Variants in FAT4 observed in about 807,000 individuals in gnomAD.
The protein encoded by FAT4 is protocadherin Fat 4.
Under a neutral mutation model 303.9 loss-of-function variants are expected in FAT4, and 84 were observed. That is an observed-to-expected ratio of 0.28 (90% confidence interval 0.23 to 0.33). The LOEUF (loss-of-function observed/expected upper bound fraction) is 0.33, where lower values mean the gene tolerates loss of function less well. FAT4 is among the 10% of genes least tolerant of loss of function. FAT4 has a pLI of 1.00. For missense variants in FAT4, 6,005 were observed against 6,146.8 expected (o/e 0.98, Z 0.77); for synonymous variants, 2,307 against 2,298.8 (o/e 1.00, Z -0.10).
intron 10 of FAT4, among the ~76,000 whole-genome samples, chr4:125,460,198 A>C (rs1451918746): frequency 1.3e-5 from 2 of 152,036 alleles, no homozygotes; most frequent in Non-Finnish European, 2.9e-5. Flanking sequence ...TAATTTACAT[A>C]CTCTACCACC....
At chr4:125,362,614 G>C (rs1447450074) in intron 2 of FAT4, among the ~76,000 whole-genome samples, 1 of 152,064 alleles carries the variant, frequency 6.6e-6, no homozygotes, top group Non-Finnish European at 1.5e-5. Flanking sequence ...TTACATGGTT[G>C]AATACCATAT....
chr4:125,429,427 A>G (rs995010019), intron 7 of FAT4, among the ~76,000 whole-genome samples: 2 of 152,178 alleles, frequency 1.3e-5, no homozygotes, highest in Non-Finnish European at 1.5e-5. Context: ...TTATAATAAT[A>G]TAGAGCAAAA....
At position 125,451,472 on chromosome 4, in the gene FAT4, G is replaced by A. The variant is rs1726069869; in HGVS notation, c.10462G>A (p.Gly3488Arg). ...TCTCTCAGTTTTGGCTGTTGATTCA[G>A]GGACCCCCTCAGCTACAGGTAGTGC... Reference protein sequence around the residue: ...YNLSVLAVDSGTPSATGSASL... With the variant: ...YNLSVLAVDSRTPSATGSASL... Residue 3488 changes from glycine to arginine, a missense_variant, in exon 10 of 18, where the codon GGG (glycine) becomes AGG (arginine). Coordinates refer to ENST00000394329, the MANE Select transcript of FAT4 (RefSeq NM_001291303.3). 6.2e-7 allele frequency: 1 copy of A among 1,613,954 alleles called. No homozygotes were observed. Among genetic ancestry groups the A allele is most frequent in the Non-Finnish European group, 8.5e-7 (1 of 1,180,024 alleles).
rs1727690603 is a variant in FAT4, at chr4:125,492,592, A to G, written c.*824A>G. 6.6e-6 allele frequency: 1 copy of G among 152,544 alleles called. No homozygotes were observed. The highest frequency in any genetic ancestry group is 6.5e-5 in the Admixed American group (1 of 15,280). 9.4% of individuals were successfully genotyped at this position (152,544 alleles called of 1,614,324 possible). A position where few individuals can be genotyped will look rare whatever the true frequency, so the allele number is the denominator to read the frequency against. ...TATTTTAAAGAATTGACCTAAGGAA[A>G]GCTTATGATTGGACTTATTTTCCAA... On this transcript the variant is annotated 3_prime_UTR_variant, in exon 18 of 18. Coordinates refer to ENST00000394329, the MANE Select transcript of FAT4 (RefSeq NM_001291303.3).
rs1402183627 is a variant in FAT4 at position 125,451,184 on chromosome 4, A to G, written c.10174A>G (p.Thr3392Ala). The change falls in exon 10 of 18, where the codon ACT becomes GCT. Residue 3392 changes from threonine to alanine, a missense_variant. Coordinates refer to ENST00000394329, the MANE Select transcript of FAT4 (RefSeq NM_001291303.3). ...SIRGADIDEV[T>A]VNVTVLDAND... is the part of the protein sequence containing the mutation. ...TAGAGGTGCAGATATAGATGAGGTC[A>G]CTGTAAATGTCACCGTGCTTGATGC... 5 of 1,614,018 alleles carry G rather than the reference A, an allele frequency of 3.1e-6. No individual in the cohort carries two copies. In the South Asian group the frequency reaches 5.5e-5, roughly 18 times the overall value.
At chr4:125,389,041 T>C (rs1158397582) in intron 2 of FAT4, among the ~76,000 whole-genome samples, 1 of 152,190 alleles carries the variant, frequency 6.6e-6, no homozygotes, top group African/African-American at 2.4e-5. Flanking sequence ...GTTATATACA[T>C]GTAGCTTATA....
chr4:125,463,732 G>T, intron 11 of FAT4, 65 bp downstream of exon 11: 1 of 1,159,114 alleles, frequency 8.6e-7, no homozygotes, highest in African/African-American at 1.5e-5. Flanking sequence ...TAGCAATTTT[G>T]TTTTATTATG....
chr4:125,322,939 T>C (rs532570227), intron 2 of FAT4, among the ~76,000 whole-genome samples: 6 of 152,228 alleles, frequency 3.9e-5, no homozygotes, highest in African/African-American at 1.2e-4. Context: ...TAAAAAATAT[T>C]TTAATATAGG....
At chr4:125,423,557 C>A (rs1724981582) in intron 7 of FAT4, among the ~76,000 whole-genome samples, 1 of 152,214 alleles carries the variant, frequency 6.6e-6, no homozygotes. Flanking sequence ...TAAATTTATA[C>A]ATTGTTTAAA....
chr4:125,488,844 G>T (rs956665294), intron 17 of FAT4, among the ~76,000 whole-genome samples: 1 of 152,112 alleles, frequency 6.6e-6, no homozygotes, highest in Non-Finnish European at 1.5e-5. Flanking sequence ...ACATGAGGGC[G>T]TAGAGTGAAA....
At chr4:125,488,994 G>A (rs1468565461) in intron 17 of FAT4, among the ~76,000 whole-genome samples, 1 of 152,024 alleles carries the variant, frequency 6.6e-6, no homozygotes, top group East Asian at 1.9e-4. Context: ...AAAAGCTCAT[G>A]GAAAAAATAT....
chr4:125,334,097 T>C (rs1731484558), intron 2 of FAT4, among the ~76,000 whole-genome samples: 1 of 152,126 alleles, frequency 6.6e-6, no homozygotes, highest in South Asian at 2.1e-4. Context: ...TTAGAATTTC[T>C]TACTTACTGA....
chr4:125,452,624 C>A lies in FAT4; in HGVS notation c.11614C>A (p.Pro3872Thr). Residue 3872 changes from proline to threonine, a missense_variant, in exon 10 of 18, where the codon CCT becomes ACT. Coordinates refer to ENST00000394329, the MANE Select transcript of FAT4 (RefSeq NM_001291303.3). ...AGATATAGATGAATGTCTTCCATCA[C>A]CTTGCCACAGTGGTGGAACCTGTCA... ...EIDIDECLPSPCHSGGTCHNL... is the reference protein window; with the variant it reads ...EIDIDECLPSTCHSGGTCHNL... The A allele has an allele frequency of 1.2e-6, 2 of 1,614,140 alleles. No individual in the cohort carries two copies. The highest frequency in any genetic ancestry group is 1.7e-6 in the Non-Finnish European group (2 of 1,180,028).
At chr4:125,329,671 T>TATG (rs1731299796) in intron 2 of FAT4, among the ~76,000 whole-genome samples, 2 of 152,172 alleles carry the variant, frequency 1.3e-5, no homozygotes, top group African/African-American at 2.4e-5. Flanking sequence ...GAACCCTACA[T>TATG]TCGTATAACC....
chr4:125,322,696 G>C (rs956460289), intron 2 of FAT4, among the ~76,000 whole-genome samples: 1 of 150,884 alleles, frequency 6.6e-6, no homozygotes, highest in Non-Finnish European at 1.5e-5. Flanking sequence ...GGAGGAGGTG[G>C]GGATTTTCTT....
Position 125,451,505 on chromosome 4 carries a change from T to C in FAT4, c.10495T>C (p.Leu3499=). ...TPSATGSASL[L]VTLEDINDNG... ...CTCAGCTACAGGTAGTGCCTCTTTA[T>C]TAGTCACCCTGGAAGATATAAATGA... The change falls in exon 10 of 18, where the codon TTA becomes CTA. Residue 3499 remains leucine (L), a synonymous_variant. Transcript: ENST00000394329. 1 of 1,614,140 alleles carries C rather than the reference T, an allele frequency of 6.2e-7. No homozygotes were observed. Among genetic ancestry groups the C allele is most frequent in the Non-Finnish European group, 8.5e-7 (1 of 1,180,000 alleles).
rs1430023931 is a variant in FAT4 at position 125,408,659 on chromosome 4, A to C, written c.5785A>C (p.Arg1929=). 6.2e-7 allele frequency: 1 copy of C among 1,610,200 alleles called. No individual in the cohort carries two copies. The highest frequency in any genetic ancestry group is 1.7e-5 in the Admixed American group (1 of 59,946). ...EDGGGQFTTI[R]VYFNILDVND... ...TGGTGGGGGACAATTTACTACCATCAGAGTTTATTTCAATATTCTAGATGT... is the reference window on the plus strand; with the variant it reads ...TGGTGGGGGACAATTTACTACCATCCGAGTTTATTTCAATATTCTAGATGT... The change falls in exon 5 of 18, where the codon AGA becomes CGA. Residue 1929 remains arginine (R), a synonymous_variant. Coordinates refer to ENST00000394329, the MANE Select transcript of FAT4 (RefSeq NM_001291303.3).
At chr4:125,403,239 C>T (rs1298579186) in intron 3 of FAT4, among the ~76,000 whole-genome samples, 1 of 152,000 alleles carries the variant, frequency 6.6e-6, no homozygotes, top group Non-Finnish European at 1.5e-5. Flanking sequence ...ATTATCATCC[C>T]AGTGTACAGA....
intron 10 of FAT4, among the ~76,000 whole-genome samples, chr4:125,455,497 T>TA (rs1301213300): frequency 1.3e-5 from 2 of 152,224 alleles, no homozygotes; most frequent in African/African-American, 4.8e-5. Context: ...TAGACATTAT[T>TA]ACATTTAGTT....
Sources: gnomAD v4.1 joint callset for allele counts (sites outside exome capture counted in the v4.1 genomes callset) on GRCh38, gnomAD v4.1.1 for gene constraint, MANE v1.5 for transcripts, NCBI Gene and HGNC (gene_info 2026-07-23, HGNC 2026-07-21) for gene names.